The following CTNNA1 variants were observed in gnomAD, a reference collection of about 807,000 sequenced individuals.
CTNNA1 encodes catenin alpha 1.
A neutral mutation model predicts 98.4 loss-of-function variants in CTNNA1; 37 were observed. The ratio of observed to expected loss-of-function variants is 0.38; its 90% CI spans 0.29 to 0.49. The LOEUF (loss-of-function observed/expected upper bound fraction) is 0.49, where lower values mean the gene tolerates loss of function less well. Among genes scored for constraint, CTNNA1 ranks in the 20% least tolerant of loss-of-function variants. CTNNA1 has a pLI of 0.95. For missense variants in CTNNA1, 761 were observed against 1,147.2 expected (o/e 0.66, Z 4.86); for synonymous variants, 404 against 413.2 (o/e 0.98, Z 0.27).
At chr5:138,854,387 G>A (rs1356006624) in intron 7 of CTNNA1, among the ~76,000 whole-genome samples, 1 of 152,052 alleles carries the variant, frequency 6.6e-6, no homozygotes, top group Non-Finnish European at 1.5e-5. Flanking sequence ...AATAAATAGG[G>A]GCTATTTTGT....
intron 1 of CTNNA1, among the ~76,000 whole-genome samples, chr5:138,764,898 C>T (rs748010854): frequency 3.9e-5 from 4 of 103,536 alleles, no homozygotes; most frequent in Middle Eastern, 0.011. Flanking sequence ...TTTGAGATCT[C>T]GCCCTGTCGC....
At chr5:138,854,693 T>A (rs1020284471) in intron 7 of CTNNA1, among the ~76,000 whole-genome samples, 3 of 152,240 alleles carry the variant, frequency 2.0e-5, no homozygotes, top group African/African-American at 7.2e-5. Context: ...CTGTAGACAT[T>A]TTTCAGTTCC....
At chr5:138,791,615 CAAAAAAAAAAAAAAAA>C (rs1181055311) in intron 3 of CTNNA1, among the ~76,000 whole-genome samples, 1 of 40,306 alleles carries the variant, frequency 2.5e-5, no homozygotes, top group Non-Finnish European at 4.1e-5. Flanking sequence ...GACTCCGTCT[CAAAAAAAAAAAAAAAA>C]AAAAAAAAAA....
intron 7 of CTNNA1, among the ~76,000 whole-genome samples, chr5:138,879,482 T>A (rs77297833): frequency 0.013 from 1,944 of 152,148 alleles, 27 homozygotes; most frequent in African/African-American, 0.039. Context: ...TGTTTTTTTT[T>A]AAAAAGACAG....
At chr5:138,783,128 T>C (rs768648655) in intron 2 of CTNNA1, 49 bp from the exon 3 acceptor site, 1 of 1,412,762 alleles carries the variant, frequency 7.1e-7, no homozygotes, top group Non-Finnish European at 9.6e-7. Flanking sequence ...AAGATATTAG[T>C]TTGTCATTTT....
At position 138,873,825 on chromosome 5, in the gene CTNNA1, A is replaced by T; in HGVS notation, c.1063-12387A>T. 6.2e-7 allele frequency: 1 copy of T among 1,613,970 alleles called. No individual in the cohort carries two copies. Among genetic ancestry groups the T allele is most frequent in the Non-Finnish European group, 8.5e-7 (1 of 1,179,862 alleles). On this transcript the variant is annotated intron_variant, in intron 7 of 17. Coordinates refer to ENST00000302763, the MANE Select transcript of CTNNA1 (RefSeq NM_001903.5). The surrounding 1 kb of genome is among the most constrained non-coding windows in gnomAD (Gnocchi z 6.1). ...GTGCCCCAGGTCCACTCCATCCCACATGTCAAGTTGCTGATTTTGTTCCAT... is the reference window on the plus strand; with the variant it reads ...GTGCCCCAGGTCCACTCCATCCCACTTGTCAAGTTGCTGATTTTGTTCCAT...
intron 3 of CTNNA1, among the ~76,000 whole-genome samples, chr5:138,788,219 G>C (rs1019607231): frequency 6.6e-6 from 1 of 152,186 alleles, no homozygotes; most frequent in African/African-American, 2.4e-5. Flanking sequence ...TGCAGGTTCT[G>C]TGCTGGTCTG....
At chr5:138,784,916 C>T (rs567331049) in intron 3 of CTNNA1, among the ~76,000 whole-genome samples, 1 of 152,200 alleles carries the variant, frequency 6.6e-6, no homozygotes, top group Admixed American at 6.5e-5. Context: ...TTAGGGCCCA[C>T]CTTAATCCAG....
rs529081845 is a variant in CTNNA1, at chr5:138,910,071, G to A, written c.1389+5630G>A. Among the ~76,000 whole-genome samples the A allele has an allele frequency of 1.1e-4, 17 of 152,162 alleles. No homozygotes were observed. The South Asian group carries it at 3.5e-3, about 32-fold the overall frequency. On this transcript the variant is annotated intron_variant, in intron 10 of 17. Transcript: ENST00000302763. ...CTAAAAGTTTCTCTGAGCATTTTCT[G>A]TATCCTCCCATCTCTACCCTTCTGT...
In CTNNA1 at chr5:138,931,140, A is replaced by G; in HGVS notation, c.2298+205A>G. On this transcript the variant is annotated intron_variant, in intron 16 of 17. Transcript: ENST00000302763. ...TGGAATCTTCCATCGCTTGGTAGCC[A>G]AAATTAACCTCTGCTATTGTCTCTT... 5.3e-6 allele frequency: 3 copies of G among 565,180 alleles called. No homozygotes were observed. In the South Asian group the frequency reaches 6.2e-5, roughly 12 times the overall value. 35.0% of individuals were successfully genotyped at this position (565,180 alleles called of 1,614,324 possible).
chr5:138,793,542 A>G (rs2149684680), intron 3 of CTNNA1, among the ~76,000 whole-genome samples: 1 of 152,366 alleles, frequency 6.6e-6, no homozygotes, highest in East Asian at 1.9e-4. Flanking sequence ...TATGAGTTAC[A>G]GTGGGTAATA....
intron 1 of CTNNA1, among the ~76,000 whole-genome samples, chr5:138,758,007 C>T (rs940760952): frequency 1.3e-5 from 2 of 151,684 alleles, no homozygotes; most frequent in African/African-American, 4.8e-5. Flanking sequence ...TTTTTTTCTC[C>T]TATTTCTTTT....
At chr5:138,760,611 C>T (rs1305867312) in intron 1 of CTNNA1, among the ~76,000 whole-genome samples, 1 of 152,198 alleles carries the variant, frequency 6.6e-6, no homozygotes, top group Non-Finnish European at 1.5e-5. Context: ...AATGATTCAC[C>T]TGCCTCAGCC....
At chr5:138,804,992 T>G (rs1004661590) in intron 3 of CTNNA1, among the ~76,000 whole-genome samples, 1 of 152,086 alleles carries the variant, frequency 6.6e-6, no homozygotes, top group African/African-American at 2.4e-5. Flanking sequence ...TGGGGTGGCC[T>G]CAGGAAGCTT....
intron 5 of CTNNA1, among the ~76,000 whole-genome samples, chr5:138,815,249 C>G (rs1759314726): frequency 6.6e-6 from 1 of 151,830 alleles, no homozygotes; most frequent in Non-Finnish European, 1.5e-5. Flanking sequence ...TAGCAAATGC[C>G]AAAGTTTTCT....
chr5:138,933,772 T>C (rs1441820206), intron 17 of CTNNA1, 30 bp from the exon 18 acceptor site: 3 of 1,604,778 alleles, frequency 1.9e-6, no homozygotes, highest in Non-Finnish European at 2.6e-6. Context: ...GTCAGGCCGG[T>C]GCTTCTTACC....
At chr5:138,772,828 GATA>G (rs1398453514) in intron 1 of CTNNA1, among the ~76,000 whole-genome samples, 20 of 146,864 alleles carry the variant, frequency 1.4e-4, no homozygotes, top group Non-Finnish European at 2.5e-4. Context: ...TCATTTTATA[GATA>G]GATGAAAAGA....
At chr5:138,820,410 C>T (rs1405808437) in intron 5 of CTNNA1, among the ~76,000 whole-genome samples, 1 of 152,118 alleles carries the variant, frequency 6.6e-6, no homozygotes, top group Non-Finnish European at 1.5e-5. Flanking sequence ...TTGGAGGGAG[C>T]ACAGCAATGT....
chr5:138,869,347 C>G (rs1303936497), intron 7 of CTNNA1: 1 of 149,892 alleles, frequency 6.7e-6, no homozygotes, highest in Non-Finnish European at 1.5e-5. Context: ...ATTTAATTAT[C>G]TATAGATGGC....
Sources: gnomAD v4.1 joint callset for allele counts (sites outside exome capture counted in the v4.1 genomes callset) on GRCh38, gnomAD v4.1.1 for gene constraint, Gnocchi (gnomAD v3.1) non-coding constraint, MANE v1.5 for transcripts, NCBI Gene and HGNC (gene_info 2026-07-23, HGNC 2026-07-21) for gene names.